The following QTMAN variants were observed in gnomAD, a reference collection of about 807,000 sequenced individuals.
QTMAN encodes queuosine-tRNA mannosyltransferase.
chr2:144,182,476 A>G, the QTMAN span, among the ~76,000 whole-genome samples: 6 of 151,662 alleles, frequency 4.0e-5, no homozygotes, highest in African/African-American at 1.5e-4. Flanking sequence ...CTCTGTCTCT[A>G]CTAAAAATAC....
the QTMAN span, among the ~76,000 whole-genome samples, chr2:144,103,296 G>A: frequency 6.6e-6 from 1 of 152,202 alleles, no homozygotes; most frequent in East Asian, 1.9e-4. Flanking sequence ...CTGGAGGCCG[G>A]GGGCCACTGG....
the QTMAN span, among the ~76,000 whole-genome samples, chr2:144,146,073 G>T: frequency 7.1e-6 from 1 of 141,154 alleles, no homozygotes; most frequent in Admixed American, 7.3e-5. Flanking sequence ...AGGACAAATG[G>T]AACAAAGATA....
chr2:144,314,744 C>T, the QTMAN span, among the ~76,000 whole-genome samples: 13 of 152,044 alleles, frequency 8.6e-5, no homozygotes, highest in East Asian at 1.2e-3. Context: ...CAGTGCGTAA[C>T]GGAACTTTTA....
chr2:143,940,913 CCTCTCCTT>C, the QTMAN span: 2 of 152,358 alleles, frequency 1.3e-5, no homozygotes, highest in South Asian at 4.1e-4. Flanking sequence ...CTTCCGCATT[CCTCTCCTT>C]ATGGTCATTG....
the QTMAN span, among the ~76,000 whole-genome samples, chr2:144,163,887 T>C: frequency 6.6e-6 from 1 of 152,170 alleles, no homozygotes; most frequent in Non-Finnish European, 1.5e-5. Flanking sequence ...ACTGCCTGCT[T>C]TGCTAACTAC....
the QTMAN span, among the ~76,000 whole-genome samples, chr2:144,146,617 G>A: frequency 6.6e-6 from 1 of 151,728 alleles, no homozygotes; most frequent in Non-Finnish European, 1.5e-5. Context: ...CAAAACATTA[G>A]AGAAACAAAC....
At chr2:143,971,287 C>A in the QTMAN span, among the ~76,000 whole-genome samples, 48 of 152,070 alleles carry the variant, frequency 3.2e-4, 1 homozygote, top group South Asian at 9.8e-3. Context: ...AGATTAGAGA[C>A]CCTCTCACTA....
the QTMAN span, chr2:143,957,392 AT>A: frequency 8.6e-7 from 1 of 1,167,728 alleles, no homozygotes; most frequent in Non-Finnish European, 1.2e-6. Flanking sequence ...GTAAAATGAT[AT>A]GAGATGTCAG....
chr2:144,083,498 T>C, the QTMAN span, among the ~76,000 whole-genome samples: 1 of 152,186 alleles, frequency 6.6e-6, no homozygotes, highest in African/African-American at 2.4e-5. Context: ...TATAAAAATA[T>C]AATTGTTTAA....
the QTMAN span, among the ~76,000 whole-genome samples, chr2:144,009,917 A>C: frequency 6.6e-6 from 1 of 152,086 alleles, no homozygotes; most frequent in African/African-American, 2.4e-5. Flanking sequence ...AAATGGAACA[A>C]ATGGTAAGAG....
the QTMAN span, among the ~76,000 whole-genome samples, chr2:144,293,597 CTG>C: frequency 6.6e-6 from 1 of 152,184 alleles, no homozygotes; most frequent in African/African-American, 2.4e-5. Flanking sequence ...GCATTTCAAA[CTG>C]AACTAAGTAA....
At chr2:144,049,543 T>A in the QTMAN span, among the ~76,000 whole-genome samples, 1 of 152,208 alleles carries the variant, frequency 6.6e-6, no homozygotes, top group East Asian at 1.9e-4. Context: ...GAGCATTATC[T>A]ACTAATAGAA....
the QTMAN span, among the ~76,000 whole-genome samples, chr2:144,030,235 T>C: frequency 1.3e-5 from 2 of 152,190 alleles, no homozygotes; most frequent in Admixed American, 1.3e-4. Context: ...CTAAATCTTC[T>C]TTCCCAAGTC....
chr2:144,062,773 C>T, the QTMAN span, among the ~76,000 whole-genome samples: 95 of 152,276 alleles, frequency 6.2e-4, no homozygotes, highest in African/African-American at 2.1e-3. Context: ...AGGTAGAGAT[C>T]AGTAGCCTCA....
chr2:143,985,065 C>T, the QTMAN span, among the ~76,000 whole-genome samples: 2 of 152,216 alleles, frequency 1.3e-5, no homozygotes, highest in Admixed American at 6.5e-5. Context: ...GTAACACATG[C>T]CCTCTGGTGC....
the QTMAN span, among the ~76,000 whole-genome samples, chr2:143,971,289 C>T: frequency 1.3e-5 from 2 of 152,022 alleles, no homozygotes; most frequent in African/African-American, 4.8e-5. Flanking sequence ...ATTAGAGACC[C>T]TCTCACTAAT....
chr2:144,124,889 A>C, the QTMAN span, among the ~76,000 whole-genome samples: 1 of 152,132 alleles, frequency 6.6e-6, no homozygotes, highest in Admixed American at 6.6e-5. Flanking sequence ...GACAGTTACT[A>C]AAAAACGGTC....
At chr2:144,064,465 C>T in the QTMAN span, among the ~76,000 whole-genome samples, 31 of 152,266 alleles carry the variant, frequency 2.0e-4, no homozygotes, top group African/African-American at 7.0e-4. Flanking sequence ...AATATACAGC[C>T]TCCCTGGAGG....
chr2:144,106,111 T>A, the QTMAN span, among the ~76,000 whole-genome samples: 2 of 152,118 alleles, frequency 1.3e-5, no homozygotes, highest in East Asian at 1.9e-4. Flanking sequence ...GGAAGCACTA[T>A]ACATGGAAAG....
Sources: gnomAD v4.1 joint callset for allele counts (sites outside exome capture counted in the v4.1 genomes callset) on GRCh38, gnomAD v4.1.1 for gene constraint, MANE v1.5 for transcripts, NCBI Gene and HGNC (gene_info 2026-07-23, HGNC 2026-07-21) for gene names.